CCDC171: variants seen among roughly 807,000 people sequenced by gnomAD.
The protein encoded by CCDC171 is coiled-coil domain-containing protein 171.
Under a neutral mutation model 168.2 loss-of-function variants are expected in CCDC171, and 177 were observed. The ratio of observed to expected loss-of-function variants is 1.05; its 90% CI spans 0.93 to 1.19. CCDC171 has a LOEUF of 1.19. Ranked by LOEUF, CCDC171 falls within the 50% of genes most tolerant of loss-of-function variation. The pLI, the probability that CCDC171 is intolerant of heterozygous loss-of-function variation, is 0.00. For synonymous variants in CCDC171, 687 were observed against 540.8 expected (o/e 1.27, Z -3.75); for missense variants, 1,991 against 1,539.0 (o/e 1.29, Z -4.91).
chr9:15,717,483 C>G (rs2053167415), intron 11 of CCDC171, among the ~76,000 whole-genome samples: 2 of 152,150 alleles, frequency 1.3e-5, no homozygotes, highest in Non-Finnish European at 2.9e-5. Flanking sequence ...GGGTATGTGA[C>G]CTAGTGAGAC....
chr9:15,605,515 T>TAAAAA (rs71325923), intron 6 of CCDC171, among the ~76,000 whole-genome samples: 1 of 99,128 alleles, frequency 1.0e-5, no homozygotes, highest in African/African-American at 4.1e-5. Context: ...CTGTCTCTAC[T>TAAAAA]AAAAAAAAAA....
At chr9:15,752,585 C>G (rs900899080) in intron 18 of CCDC171, among the ~76,000 whole-genome samples, 2 of 152,144 alleles carry the variant, frequency 1.3e-5, no homozygotes, top group African/African-American at 4.8e-5. Flanking sequence ...AGTTCATGTC[C>G]TTTGCAGGGT....
chr9:16,006,676 G>C (rs909516226), intron 3 of CCDC171, among the ~76,000 whole-genome samples: 3 of 151,322 alleles, frequency 2.0e-5, no homozygotes, highest in African/African-American at 4.9e-5. Context: ...GTGAGAACAT[G>C]CAGTGTTTGG....
At chr9:15,991,458 A>C (rs1052334289) in intron 3 of CCDC171, among the ~76,000 whole-genome samples, 1 of 148,508 alleles carries the variant, frequency 6.7e-6, no homozygotes, top group African/African-American at 2.6e-5. Flanking sequence ...ATAGCACTAA[A>C]TGCCCACAAG....
chr9:15,625,705 T>G (rs1052896083), intron 7 of CCDC171, among the ~76,000 whole-genome samples: 1 of 152,210 alleles, frequency 6.6e-6, no homozygotes, highest in Non-Finnish European at 1.5e-5. Flanking sequence ...TACTATGCTG[T>G]TTTGGTTACT....
chr9:15,675,874 A>T (rs1207620312), intron 9 of CCDC171, among the ~76,000 whole-genome samples: 1 of 152,082 alleles, frequency 6.6e-6, no homozygotes, highest in Non-Finnish European at 1.5e-5. Flanking sequence ...TTCGAGGAGT[A>T]TCTTTGTGGT....
intron 24 of CCDC171, among the ~76,000 whole-genome samples, chr9:15,902,015 G>T (rs1821737974): frequency 6.6e-6 from 1 of 152,108 alleles, no homozygotes; most frequent in Non-Finnish European, 1.5e-5. Context: ...CAAAAAAGAT[G>T]AGGGTTACAA....
chr9:16,054,187 G>A (rs1833796835), intron 1 of CCDC171, among the ~76,000 whole-genome samples: 2 of 152,230 alleles, frequency 1.3e-5, no homozygotes, highest in Non-Finnish European at 2.9e-5. Flanking sequence ...TGGCCAGAGG[G>A]AGCGAAGGGA....
intron 7 of CCDC171, among the ~76,000 whole-genome samples, chr9:15,624,344 A>C (rs1002047587): frequency 4.6e-5 from 7 of 152,188 alleles, no homozygotes; most frequent in Admixed American, 2.0e-4. Context: ...TTTAAGTTCT[A>C]GGGTACATGT....
At chr9:15,623,157 A>G (rs929402164) in intron 6 of CCDC171, 110 bp from the exon 7 acceptor site, 9 of 661,008 alleles carry the variant, frequency 1.4e-5, no homozygotes, top group Admixed American at 3.0e-5. Context: ...AAATTAACCT[A>G]TTATTATAGT....
chr9:16,018,268 A>T (rs535426929), intron 3 of CCDC171, among the ~76,000 whole-genome samples: 1 of 152,200 alleles, frequency 6.6e-6, no homozygotes, highest in East Asian at 1.9e-4. Context: ...ATTATTTCTA[A>T]GAAGCATATA....
chr9:15,565,556 T>G (rs1442610129), intron 2 of CCDC171, among the ~76,000 whole-genome samples: 2 of 152,238 alleles, frequency 1.3e-5, no homozygotes. Context: ...AATCTGCTAC[T>G]AATCTACTTT....
At chr9:15,561,002 G>A (rs961181822) in intron 1 of CCDC171, among the ~76,000 whole-genome samples, 1 of 152,248 alleles carries the variant, frequency 6.6e-6, no homozygotes, top group African/African-American at 2.4e-5. Flanking sequence ...TTCAGACCCT[G>A]TTTGCCTGGA....
chr9:15,795,488 CA>C (rs908486750), intron 21 of CCDC171, among the ~76,000 whole-genome samples: 140 of 152,084 alleles, frequency 9.2e-4, no homozygotes, highest in African/African-American at 3.3e-3. Flanking sequence ...TTAAAGAGAG[CA>C]AAATAATCAG....
chr9:16,013,561 C>T (rs777160989), intron 3 of CCDC171, among the ~76,000 whole-genome samples: 5 of 152,220 alleles, frequency 3.3e-5, no homozygotes, highest in African/African-American at 4.8e-5. Context: ...GATGCAGGCT[C>T]CAATGCCTAC....
rs187627612 is a variant in CCDC171, at chr9:15,720,996, C to T, written c.1319-773C>T. Reference sequence around the variant, plus strand: ...AACAATCAATTTAGTTTTTGAAATTCAACTTTTTGGATTAATACTTGGAGC... The same window carrying T: ...AACAATCAATTTAGTTTTTGAAATTTAACTTTTTGGATTAATACTTGGAGC... On this transcript the variant is annotated intron_variant, in intron 11 of 25. Transcript: ENST00000380701. Among the ~76,000 whole-genome samples the T allele has an allele frequency of 1.4e-3, 218 of 152,254 alleles. 1 individual carries two copies. In the Middle Eastern group the frequency reaches 0.041, roughly 29 times the overall value.
chr9:15,673,086 T>A (rs200615595), intron 9 of CCDC171, among the ~76,000 whole-genome samples: 1 of 152,166 alleles, frequency 6.6e-6, no homozygotes, highest in South Asian at 2.1e-4. Flanking sequence ...TTGTAAGTTG[T>A]ATTCCTAGGT....
intron 21 of CCDC171, among the ~76,000 whole-genome samples, chr9:15,835,520 C>G (rs980081158): frequency 9.9e-5 from 15 of 152,068 alleles, no homozygotes; most frequent in African/African-American, 3.4e-4. Context: ...CTCTGCCTCC[C>G]TGGTTTAAGC....
chr9:15,842,041 C>T (rs1178094758), intron 21 of CCDC171, among the ~76,000 whole-genome samples: 1 of 151,056 alleles, frequency 6.6e-6, no homozygotes, highest in Non-Finnish European at 1.5e-5. Flanking sequence ...AACAGTCAGT[C>T]AGCAATAAAT....
Sources: allele counts gnomAD v4.1 joint callset (sites outside exome capture counted in the v4.1 genomes callset), GRCh38; gene constraint gnomAD v4.1.1; transcripts MANE v1.5; gene names NCBI Gene and HGNC (gene_info 2026-07-23, HGNC 2026-07-21).